The following MAML2 variants were observed in gnomAD, a reference collection of about 807,000 sequenced individuals.
The protein encoded by MAML2 is mastermind-like protein 2.
In MAML2, 22 loss-of-function variants were observed where a neutral mutation model predicts 96.1. The observed-to-expected ratio is 0.23, with a 90% confidence interval of 0.16 to 0.33. The LOEUF (loss-of-function observed/expected upper bound fraction) is 0.33. MAML2 is among the 10% of genes least tolerant of loss of function. The pLI is 1.00. For missense variants in MAML2, 1,367 were observed against 1,392.4 expected, an observed-to-expected ratio of 0.98 and a Z score of 0.29; for synonymous variants, 561 against 521.3, an observed-to-expected ratio of 1.08 and a Z score of -1.04.
chr11:96,160,254 T>A (rs1861082847), intron 1 of MAML2, among the ~76,000 whole-genome samples: 1 of 152,172 alleles, frequency 6.6e-6, no homozygotes. Flanking sequence ...TTCAATGCAC[T>A]CTTCAGGTTG....
chr11:96,031,335 TTGTGTGTG>T (rs10596374), intron 2 of MAML2, among the ~76,000 whole-genome samples: 18 of 150,236 alleles, frequency 1.2e-4, no homozygotes, highest in Admixed American at 5.3e-4. Flanking sequence ...ATTTAACAGT[TTGTGTGTG>T]TGTGTGTGTG....
chr11:96,092,718 T>G lies in MAML2; in HGVS notation c.1313A>C (p.Gln438Pro). ...QEVSHAQQLK[Q>P]IAANRQQHAR... ...ATGCTGCTGACGATTAGCAGCTATC[T>G]GTTTGAGCTGCTGGGCATGGGATAC... The change falls in exon 2 of 5, where the codon CAG (glutamine) becomes CCG (proline). Residue 438 changes from glutamine to proline, a missense_variant. Physicochemically the swap from Gln to Pro is moderately conservative, Grantham distance 76 (BLOSUM62 -1). Coordinates refer to ENST00000524717, the MANE Select transcript of MAML2 (RefSeq NM_032427.4). This position sits in a 1 kb window ranked among gnomAD's most constrained non-coding sequence, Gnocchi z 4.1. 6.2e-7 allele frequency: 1 copy of G among 1,614,008 alleles called. No homozygotes were observed. Among genetic ancestry groups the G allele is most frequent in the Non-Finnish European group, 8.5e-7 (1 of 1,179,906 alleles).
chr11:96,069,967 T>C (rs1859316140), intron 2 of MAML2, among the ~76,000 whole-genome samples: 1 of 150,882 alleles, frequency 6.6e-6, no homozygotes, highest in Non-Finnish European at 1.5e-5. Context: ...GAGGTTGCAG[T>C]GAGCCAAGAT....
chr11:95,990,733 T>A (rs931465703), intron 3 of MAML2, among the ~76,000 whole-genome samples: 1 of 152,190 alleles, frequency 6.6e-6, no homozygotes. Flanking sequence ...TCCTTGAATA[T>A]AAAATTATTT....
chr11:96,280,018 C>G (rs1183724503), intron 1 of MAML2, among the ~76,000 whole-genome samples: 1 of 152,184 alleles, frequency 6.6e-6, no homozygotes. Context: ...CTAAATGAAT[C>G]TGGCATGTAT....
chr11:96,142,419 A>C (rs938558006), intron 1 of MAML2, among the ~76,000 whole-genome samples: 4 of 152,194 alleles, frequency 2.6e-5, no homozygotes, highest in South Asian at 2.1e-4. Context: ...ATGACTGGAA[A>C]AATACCCACC....
chr11:96,013,929 G>A (rs990709868), intron 2 of MAML2, among the ~76,000 whole-genome samples: 1 of 152,228 alleles, frequency 6.6e-6, no homozygotes, highest in Non-Finnish European at 1.5e-5. Context: ...TTGTGATAAG[G>A]AAGGGGATCT....
chr11:96,116,367 A>G (rs1860241751), intron 1 of MAML2, among the ~76,000 whole-genome samples: 1 of 152,308 alleles, frequency 6.6e-6, no homozygotes, highest in East Asian at 1.9e-4. Context: ...CAACACTCAG[A>G]TATTCCAACC....
At chr11:96,080,903 G>A (rs1251332239) in intron 2 of MAML2, among the ~76,000 whole-genome samples, 1 of 152,150 alleles carries the variant, frequency 6.6e-6, no homozygotes, top group Non-Finnish European at 1.5e-5. Flanking sequence ...ACACTCCTCA[G>A]GTCTAATCCA....
intron 2 of MAML2, among the ~76,000 whole-genome samples, chr11:96,015,049 C>G (rs1858322351): frequency 6.6e-6 from 1 of 152,168 alleles, no homozygotes; most frequent in African/African-American, 2.4e-5. Flanking sequence ...GATGAGAGAA[C>G]TGACATTTGG....
intron 2 of MAML2, among the ~76,000 whole-genome samples, chr11:96,086,646 T>G (rs1351927456): frequency 6.6e-6 from 1 of 152,208 alleles, no homozygotes; most frequent in Non-Finnish European, 1.5e-5. Flanking sequence ...CACCACAATT[T>G]CTTATTTGAT....
chr11:96,279,365 G>A (rs1863033795), intron 1 of MAML2, among the ~76,000 whole-genome samples: 2 of 152,228 alleles, frequency 1.3e-5, no homozygotes, highest in Admixed American at 6.5e-5. Context: ...TCCCATTGCT[G>A]GAGTGGGTCA....
intron 1 of MAML2, among the ~76,000 whole-genome samples, chr11:96,143,132 G>C (rs1004744441): frequency 6.6e-6 from 1 of 152,184 alleles, no homozygotes; most frequent in Non-Finnish European, 1.5e-5. Context: ...CAGAACTGTG[G>C]CTTGAATACA....
At chr11:96,145,982 CTGGG>C (rs1171424212) in intron 1 of MAML2, among the ~76,000 whole-genome samples, 1 of 152,044 alleles carries the variant, frequency 6.6e-6, no homozygotes, top group Non-Finnish European at 1.5e-5. Context: ...TCACTCCAGC[CTGGG>C]TGACAGAGCA....
chr11:96,036,766 C>T (rs944692077), intron 2 of MAML2, among the ~76,000 whole-genome samples: 1 of 152,100 alleles, frequency 6.6e-6, no homozygotes, highest in Non-Finnish European at 1.5e-5. Flanking sequence ...TTGTTAACCC[C>T]CAATAATTCT....
chr11:96,292,661 G>T (rs1236994419), intron 1 of MAML2, among the ~76,000 whole-genome samples: 3 of 152,106 alleles, frequency 2.0e-5, no homozygotes, highest in Non-Finnish European at 2.9e-5. Context: ...CATTTAGCTG[G>T]GTTAGTCATT....
At chr11:96,069,585 G>A (rs1342776841) in intron 2 of MAML2, among the ~76,000 whole-genome samples, 1 of 152,180 alleles carries the variant, frequency 6.6e-6, no homozygotes, top group East Asian at 1.9e-4. Flanking sequence ...GCTGAGGTGG[G>A]AGGATCACTA....
At chr11:96,224,914 T>C (rs1158572645) in intron 1 of MAML2, among the ~76,000 whole-genome samples, 1 of 152,248 alleles carries the variant, frequency 6.6e-6, no homozygotes, top group African/African-American at 2.4e-5. Context: ...TGACATTATT[T>C]ATACTTTAAG....
At position 96,205,824 on chromosome 11, in the gene MAML2, T is replaced by C. The variant is rs979217458; in HGVS notation, c.514-112307A>G. Among the ~76,000 whole-genome samples the C allele has an allele frequency of 2.6e-5, 4 of 152,220 alleles. No homozygotes were observed. The East Asian group carries it at 7.7e-4, about 29-fold the overall frequency. On this transcript the variant is annotated intron_variant, in intron 1 of 4. Transcript: ENST00000524717. ...CTTCCTTCATCCATCCCTACCTTCTTTGTTGCTCCTTTGGAAAGATTCCCG... is the reference window on the plus strand; with the variant it reads ...CTTCCTTCATCCATCCCTACCTTCTCTGTTGCTCCTTTGGAAAGATTCCCG...
Sources: gnomAD v4.1 joint callset for allele counts (sites outside exome capture counted in the v4.1 genomes callset) on GRCh38, gnomAD v4.1.1 for gene constraint, Gnocchi (gnomAD v3.1) non-coding constraint, MANE v1.5 for transcripts, NCBI Gene and HGNC (gene_info 2026-07-23, HGNC 2026-07-21) for gene names.